The following HACD3 variants were observed in gnomAD, a reference collection of about 807,000 sequenced individuals.
The protein encoded by HACD3 is very-long-chain (3R)-3-hydroxyacyl-CoA dehydratase 3.
HACD3 carries 30 observed loss-of-function variants against 55.2 expected under a neutral mutation model. That is an observed-to-expected ratio of 0.54 (90% CI 0.41 to 0.74). The LOEUF (loss-of-function observed/expected upper bound fraction) is 0.74, where lower values mean the gene tolerates loss of function less well. Ranked by LOEUF, HACD3 falls within the 30% of genes least tolerant of loss-of-function variation. The pLI, the probability that HACD3 is intolerant of heterozygous loss-of-function variation, is 0.00. For missense variants in HACD3, 363 were observed against 440.1 expected (o/e 0.82, Z 1.57); for synonymous variants, 141 against 151.7 (o/e 0.93, Z 0.52).
At chr15:65,557,193 C>T (rs1216389467) in intron 4 of HACD3, among the ~76,000 whole-genome samples, 1 of 152,108 alleles carries the variant, frequency 6.6e-6, no homozygotes, top group Non-Finnish European at 1.5e-5. Flanking sequence ...AGAGTACATA[C>T]GGCCGGGCAC....
chr15:65,544,045 T>C (rs1365151145), intron 1 of HACD3, among the ~76,000 whole-genome samples: 4 of 151,924 alleles, frequency 2.6e-5, no homozygotes, highest in South Asian at 4.1e-4. Flanking sequence ...GGCCTGGTGG[T>C]GGGCGCCTGT....
chr15:65,570,048 A>G (rs2072332876), intron 7 of HACD3, 43 bp from the exon 8 acceptor site: 1 of 1,292,126 alleles, frequency 7.7e-7, no homozygotes, highest in South Asian at 1.3e-5. Context: ...AACTTTACAT[A>G]TATTTTATTA....
Position 65,577,890 on chromosome 15 carries a change from A to T in HACD3, c.*1511A>T, listed in dbSNP as rs373492214. ...GACATACAGTTGGCCATTGTAAAAA[A>T]CATCAGTTTCCTCTCATACATTCCA... On this transcript the variant is annotated 3_prime_UTR_variant, in exon 11 of 11. Transcript: ENST00000261875. The T allele has an allele frequency of 2.6e-4, 40 of 152,758 alleles. No homozygotes were observed. The highest frequency in any genetic ancestry group is 9.4e-4 in the African/African-American group (39 of 41,576). The allele number at this position is 152,758 out of a possible 1,614,324, so 9.5% of individuals were successfully genotyped here.
intron 1 of HACD3, among the ~76,000 whole-genome samples, chr15:65,538,823 C>G (rs1295662156): frequency 6.6e-6 from 1 of 152,220 alleles, no homozygotes; most frequent in Non-Finnish European, 1.5e-5. Context: ...CCACCTGGAT[C>G]AGTCCACAGC....
At chr15:65,536,247 C>T (rs577254952) in intron 1 of HACD3, among the ~76,000 whole-genome samples, 5 of 152,222 alleles carry the variant, frequency 3.3e-5, no homozygotes, top group African/African-American at 1.2e-4. Context: ...GCCTGCCCAC[C>T]TCGGCCTCCC....
At chr15:65,547,598 A>G (rs1001036198) in intron 1 of HACD3, among the ~76,000 whole-genome samples, 2 of 152,266 alleles carry the variant, frequency 1.3e-5, no homozygotes, top group Non-Finnish European at 2.9e-5. Context: ...GTTTCTAGAT[A>G]GATGCCAGCC....
In HACD3 at chr15:65,576,696, C is replaced by T. The variant is rs539617154; in HGVS notation, c.*317C>T. The T allele has an allele frequency of 3.3e-6, 1 of 302,782 alleles. No homozygotes were observed. The highest frequency in any genetic ancestry group is 7.5e-5 in the East Asian group (1 of 13,334). 18.8% of individuals were successfully genotyped at this position (302,782 alleles called of 1,614,324 possible). A position where few individuals can be genotyped will look rare whatever the true frequency, so the allele number is the denominator to read the frequency against. On this transcript the variant is annotated 3_prime_UTR_variant, in exon 11 of 11. Coordinates refer to ENST00000261875, the MANE Select transcript of HACD3 (RefSeq NM_016395.4). ...CCAGAGATTTTTTTTTCAAAAAGTG[C>T]TTTATCCCTACAATGTACTGACAGT...
At chr15:65,536,925 G>A (rs1347726663) in intron 1 of HACD3, among the ~76,000 whole-genome samples, 3 of 152,202 alleles carry the variant, frequency 2.0e-5, no homozygotes, top group African/African-American at 7.2e-5. Context: ...AGTTGTGAAT[G>A]CAAAGAAACA....
At chr15:65,543,903 G>C (rs1314852957) in intron 1 of HACD3, among the ~76,000 whole-genome samples, 1 of 152,148 alleles carries the variant, frequency 6.6e-6, no homozygotes, top group Non-Finnish European at 1.5e-5. Flanking sequence ...TCGGCGGGGC[G>C]TGGTGGATCA....
At chr15:65,564,092 C>A in intron 6 of HACD3, 123 bp from the exon 7 acceptor site, 1 of 1,238,896 alleles carries the variant, frequency 8.1e-7, no homozygotes, top group Non-Finnish European at 1.2e-6. Flanking sequence ...AAACTTGAAT[C>A]TGACTGGATG....
intron 1 of HACD3, among the ~76,000 whole-genome samples, chr15:65,542,468 T>C (rs192102693): frequency 4.6e-5 from 7 of 152,106 alleles, no homozygotes; most frequent in African/African-American, 1.2e-4. Flanking sequence ...TTCACCATGT[T>C]GCCCAGGCTG....
At chr15:65,566,844 T>C (rs1440464687) in intron 7 of HACD3, 2 of 152,220 alleles carry the variant, frequency 1.3e-5, no homozygotes, top group Non-Finnish European at 2.9e-5. Flanking sequence ...TTTTTTATAA[T>C]ATCCTTATGA....
rs1168129020 is a variant in HACD3 at position 65,561,273 on chromosome 15, C to T, written c.422-1501C>T. 2.0e-5 allele frequency among the ~76,000 whole-genome samples: 3 copies of T among 152,028 alleles called. No homozygotes were observed. The East Asian group carries it at 5.8e-4, about 29-fold the overall frequency. On this transcript the variant is annotated intron_variant, in intron 5 of 10. Transcript: ENST00000261875. ...CCTGAGGTTAGGAGTTTAAGACCAC[C>T]CTGGCCAACATGATGAAACCCTGTC...
intron 2 of HACD3, among the ~76,000 whole-genome samples, chr15:65,553,924 AAGG>A (rs1195638806): frequency 6.6e-6 from 1 of 152,180 alleles, no homozygotes; most frequent in Non-Finnish European, 1.5e-5. Context: ...GAATTGGGGA[AAGG>A]AGCCATGTCA....
intron 4 of HACD3, among the ~76,000 whole-genome samples, chr15:65,557,690 A>T (rs2072206989): frequency 6.6e-6 from 1 of 152,102 alleles, no homozygotes; most frequent in Non-Finnish European, 1.5e-5. Context: ...TACATAATTT[A>T]TTTGGAATTC....
intron 1 of HACD3, among the ~76,000 whole-genome samples, chr15:65,542,240 A>AAG (rs1197818122): frequency 6.9e-6 from 1 of 145,710 alleles, no homozygotes; most frequent in Non-Finnish European, 1.5e-5. Flanking sequence ...AAAAAAAAAA[A>AAG]AAAAAAGAAA....
At chr15:65,541,831 A>G (rs1023676353) in intron 1 of HACD3, among the ~76,000 whole-genome samples, 6 of 152,232 alleles carry the variant, frequency 3.9e-5, no homozygotes, top group African/African-American at 1.2e-4. Flanking sequence ...AAGAAAGAGT[A>G]AGGTCTTTAT....
intron 1 of HACD3, among the ~76,000 whole-genome samples, chr15:65,549,344 T>A (rs932487325): frequency 6.7e-6 from 1 of 150,188 alleles, no homozygotes; most frequent in Non-Finnish European, 1.5e-5. Context: ...TCCCAGCACT[T>A]TGGGAGGCCG....
intron 2 of HACD3, chr15:65,552,936 T>C (rs2072149738): frequency 6.6e-6 from 1 of 150,898 alleles, no homozygotes; most frequent in South Asian, 2.1e-4. Context: ...AGTGAGAATA[T>C]GCGGTGTTTG....
Sources: allele counts gnomAD v4.1 joint callset (sites outside exome capture counted in the v4.1 genomes callset), GRCh38; gene constraint gnomAD v4.1.1; transcripts MANE v1.5; gene names NCBI Gene and HGNC (gene_info 2026-07-23, HGNC 2026-07-21).